MPP1: variants seen among roughly 807,000 people sequenced by gnomAD.
MPP1 encodes the protein MAGUK p55 scaffold protein 1.
A neutral mutation model predicts 38.2 loss-of-function variants in MPP1; 6 were observed. The observed-to-expected ratio is 0.16, with a 90% CI of 0.09 to 0.31. The LOEUF (loss-of-function observed/expected upper bound fraction) is 0.31. MPP1 is among the 10% of genes least tolerant of loss of function. MPP1 has a pLI of 1.00. For synonymous variants in MPP1, 153 were observed against 146.3 expected, an observed-to-expected ratio of 1.05 and a Z score of -0.33; for missense variants, 293 against 368.9, an observed-to-expected ratio of 0.79 and a Z score of 1.69.
chrX:154,781,345 G>A (rs782325948), intron 10 of MPP1, 32 bp from the exon 11 acceptor site: 55 of 1,058,519 alleles, frequency 5.2e-5, no homozygotes, highest in African/African-American at 9.6e-5. Context: ...GGCGGGGAGG[G>A]GGGGGAAGGA....
At chrX:154,790,311 C>T (rs782716212) in intron 4 of MPP1, among the ~76,000 whole-genome samples, 10 of 110,889 alleles carry the variant, frequency 9.0e-5, no homozygotes, top group African/African-American at 3.3e-4. Flanking sequence ...GTGGGCGCAT[C>T]GTCTGAGGTC....
intron 1 of MPP1, among the ~76,000 whole-genome samples, chrX:154,798,748 T>A (rs782555478): frequency 5.4e-5 from 6 of 111,365 alleles, no homozygotes; most frequent in Non-Finnish European, 1.1e-4. Context: ...TATTTTATTT[T>A]TTTGAGACAG....
At chrX:154,783,934 TC>T in intron 8 of MPP1, 93 bp downstream of exon 8, 1 of 838,792 alleles carries the variant, frequency 1.2e-6, no homozygotes, top group Non-Finnish European at 1.8e-6. Flanking sequence ...AGACCTCAGT[TC>T]TTTTCTTCCT....
intron 6 of MPP1, 68 bp downstream of exon 6, chrX:154,786,135 AC>A: frequency 9.8e-7 from 1 of 1,023,777 alleles, no homozygotes; most frequent in Non-Finnish European, 1.3e-6. Context: ...AAACAAAATG[AC>A]AGATTTTCTG....
chrX:154,797,768 G>C (rs2072213308), intron 1 of MPP1, among the ~76,000 whole-genome samples: 1 of 112,139 alleles, frequency 8.9e-6, no homozygotes, highest in South Asian at 3.6e-4. Context: ...TTGGTAAATT[G>C]GACCTCATCA....
chrX:154,791,124 T>C, intron 3 of MPP1, 56 bp from the exon 4 acceptor site: 1 of 977,241 alleles, frequency 1.0e-6, no homozygotes, highest in Middle Eastern at 2.6e-4. Context: ...ACAGGAGCTG[T>C]CAATGTAACT....
intron 6 of MPP1, among the ~76,000 whole-genome samples, chrX:154,785,941 C>T (rs1302926908): frequency 1.8e-5 from 2 of 112,089 alleles, no homozygotes; most frequent in East Asian, 2.8e-4. Flanking sequence ...AGCACTGTCA[C>T]GTGCTTGGTA....
intron 9 of MPP1, chrX:154,783,210 T>G: frequency 4.7e-6 from 1 of 212,865 alleles, no homozygotes; most frequent in Non-Finnish European, 8.4e-6. Context: ...TAGCTTCTGT[T>G]ATGTAGACAA....
intron 1 of MPP1, among the ~76,000 whole-genome samples, chrX:154,802,473 G>A (rs1318259030): frequency 9.0e-6 from 1 of 111,338 alleles, no homozygotes; most frequent in Non-Finnish European, 1.9e-5. Flanking sequence ...TTTTGATGTG[G>A]GATAGGCCCA....
chrX:154,786,706 G>C (rs782277270), intron 5 of MPP1, among the ~76,000 whole-genome samples: 65 of 109,640 alleles, frequency 5.9e-4, no homozygotes, highest in African/African-American at 2.1e-3. Context: ...GACCAGCCTG[G>C]CTAACATGGT....
Position 154,784,023 on chromosome X carries a change from G to A in MPP1, c.865+5C>T. ...AAATGTGCAAATGGGGCAATGAGAA[G>A]ATACCGATCAGCACCAGGGTCTTCC... is the stretch of plus-strand genomic sequence containing the variant. On this transcript the variant is annotated splice_donor_5th_base_variant and intron_variant, in intron 8 of 11. Coordinates refer to ENST00000369534, the MANE Select transcript of MPP1 (RefSeq NM_002436.4). 1 of 1,207,163 alleles carries A rather than the reference G, an allele frequency of 8.3e-7. No homozygotes were observed. Among genetic ancestry groups the A allele is most frequent in the Non-Finnish European group, 1.1e-6 (1 of 891,934 alleles).
Position 154,801,758 on chromosome X carries a change from C to CAAAAAAAAAAA in MPP1, c.102+3503_102+3513dup. Among the ~76,000 whole-genome samples the CAAAAAAAAAAA allele has an allele frequency of 9.1e-3, 62 of 6,838 alleles. 12 individuals carry two copies. Among genetic ancestry groups the CAAAAAAAAAAA allele is most frequent in the East Asian group, 0.018 (3 of 167 alleles). 5.9% of individuals were successfully genotyped at this position (6,838 alleles called of 115,157 possible). A position where few individuals can be genotyped will look rare whatever the true frequency, so the allele number is the denominator to read the frequency against. ...TGGGTGACAGAGCAAAACTCTGTCT[C>CAAAAAAAAAAA]AAAAAAAAAAAAAAAAAAAAAAAAA... On this transcript the variant is annotated intron_variant, in intron 1 of 11. Coordinates refer to ENST00000369534, the MANE Select transcript of MPP1 (RefSeq NM_002436.4).
intron 1 of MPP1, among the ~76,000 whole-genome samples, chrX:154,802,446 T>A (rs2072277732): frequency 9.0e-6 from 1 of 111,637 alleles, no homozygotes; most frequent in Non-Finnish European, 1.9e-5. Flanking sequence ...GCCTGACTTA[T>A]CTGTTAGGTG....
chrX:154,801,779 A>AAAAAAAAAAAAAAAAAAG (rs2072267328), intron 1 of MPP1, among the ~76,000 whole-genome samples: 1 of 87,774 alleles, frequency 1.1e-5, no homozygotes, highest in Non-Finnish European at 2.2e-5. Flanking sequence ...AAAAAAAAAA[A>AAAAAAAAAAAAAAAAAAG]AAAAAAACAA....
At chrX:154,798,869 A>G (rs1488731235) in intron 1 of MPP1, among the ~76,000 whole-genome samples, 4 of 110,848 alleles carry the variant, frequency 3.6e-5, no homozygotes, top group South Asian at 7.6e-4. Context: ...CGAGTAGCTG[A>G]GATTACAGGC....
At chrX:154,801,631 C>T (rs2072262112) in intron 1 of MPP1, among the ~76,000 whole-genome samples, 1 of 107,839 alleles carries the variant, frequency 9.3e-6, no homozygotes, top group South Asian at 4.0e-4. Context: ...TGTTGGCAGG[C>T]GCCTGTAATC....
intron 6 of MPP1, 142 bp downstream of exon 6, chrX:154,786,062 C>A: frequency 1.7e-6 from 1 of 574,347 alleles, no homozygotes; most frequent in Non-Finnish European, 2.7e-6. Flanking sequence ...GCATGGTTAA[C>A]CCTCCCCCAC....
chrX:154,793,453 CA>C (rs2072163479), intron 1 of MPP1, among the ~76,000 whole-genome samples: 1 of 112,239 alleles, frequency 8.9e-6, no homozygotes, highest in Non-Finnish European at 1.9e-5. Context: ...CTGAAGCTTT[CA>C]GGGGTAAAGT....
intron 5 of MPP1, among the ~76,000 whole-genome samples, chrX:154,787,083 TCTC>T (rs2072085234): frequency 1.1e-5 from 1 of 87,081 alleles, no homozygotes; most frequent in South Asian, 6.2e-4. Context: ...TATTGAAAAT[TCTC>T]CTCTCCTGCT....
Sources: gnomAD v4.1 joint callset for allele counts (sites outside exome capture counted in the v4.1 genomes callset) on GRCh38, gnomAD v4.1.1 for gene constraint, MANE v1.5 for transcripts, NCBI Gene and HGNC (gene_info 2026-07-23, HGNC 2026-07-21) for gene names.